Variants in DCC observed in about 807,000 individuals in gnomAD.
The protein encoded by DCC is netrin receptor DCC.
In DCC, 58 loss-of-function variants were observed where a neutral mutation model predicts 172.5. The ratio of observed to expected loss-of-function variants is 0.34; its 90% CI spans 0.27 to 0.42. DCC has a LOEUF of 0.42. Among genes scored for constraint, DCC ranks in the 10% least tolerant of loss-of-function variants. The pLI is 1.00. For missense variants in DCC, 1,740 were observed against 1,791.0 expected, an observed-to-expected ratio of 0.97 and a Z score of 0.51; for synonymous variants, 709 against 644.5, an observed-to-expected ratio of 1.10 and a Z score of -1.52.
intron 28 of DCC, 98 bp from the exon 29 acceptor site, chr18:53,530,466 T>C (rs1431600349): frequency 1.3e-6 from 1 of 785,634 alleles, no homozygotes; most frequent in Non-Finnish European, 2.3e-6. Context: ...AGGTCAGACT[T>C]GGGAATACGT....
At chr18:52,690,749 T>C (rs1272133832) in intron 1 of DCC, among the ~76,000 whole-genome samples, 1 of 152,066 alleles carries the variant, frequency 6.6e-6, no homozygotes, top group Admixed American at 6.6e-5. Context: ...ATGTATAAAA[T>C]GAAATGACCT....
chr18:52,392,085 C>A (rs1004029630), intron 1 of DCC, among the ~76,000 whole-genome samples: 1 of 152,154 alleles, frequency 6.6e-6, no homozygotes. Flanking sequence ...GTAGAGCACA[C>A]ATGCTCATTC....
chr18:53,123,756 A>G (rs1320483113), intron 7 of DCC, among the ~76,000 whole-genome samples: 5 of 151,870 alleles, frequency 3.3e-5, no homozygotes, highest in Non-Finnish European at 5.9e-5. Flanking sequence ...TTTCATGTCT[A>G]TTCACAGTCT....
At chr18:52,956,337 C>T (rs1164918015) in intron 5 of DCC, among the ~76,000 whole-genome samples, 1 of 151,772 alleles carries the variant, frequency 6.6e-6, no homozygotes, top group Non-Finnish European at 1.5e-5. Context: ...CATTTTATTG[C>T]CTTTGCTAAT....
chr18:53,348,145 G>A (rs750699423), intron 15 of DCC, among the ~76,000 whole-genome samples: 4 of 152,046 alleles, frequency 2.6e-5, no homozygotes, highest in African/African-American at 4.8e-5. Flanking sequence ...AGTCCCTTTC[G>A]CCTATGATCC....
At chr18:52,818,674 G>T (rs766503043) in intron 2 of DCC, among the ~76,000 whole-genome samples, 5 of 152,122 alleles carry the variant, frequency 3.3e-5, no homozygotes, top group Non-Finnish European at 7.4e-5. Context: ...TTTTATTTAG[G>T]TAGCATCTGA....
At chr18:52,708,398 C>T (rs970910156) in intron 1 of DCC, among the ~76,000 whole-genome samples, 17 of 149,768 alleles carry the variant, frequency 1.1e-4, no homozygotes, top group Admixed American at 3.3e-4. Context: ...GCCCAGATTG[C>T]ACCACTGCAC....
intron 7 of DCC, among the ~76,000 whole-genome samples, chr18:53,147,311 T>TTC (rs750524407): frequency 9.9e-5 from 15 of 152,018 alleles, no homozygotes; most frequent in Admixed American, 3.3e-4. Flanking sequence ...GCCTTTTTCT[T>TTC]TCTCTCTCTC....
intron 2 of DCC, among the ~76,000 whole-genome samples, chr18:52,833,805 C>T (rs568173719): frequency 4.6e-5 from 7 of 152,092 alleles, no homozygotes; most frequent in African/African-American, 7.2e-5. Flanking sequence ...GGACTACAGG[C>T]GCGTGGCACC....
chr18:53,415,242 A>C (rs1910240067), intron 20 of DCC, among the ~76,000 whole-genome samples: 1 of 152,214 alleles, frequency 6.6e-6, no homozygotes, highest in African/African-American at 2.4e-5. Context: ...TGTGAATTTT[A>C]CTGAGACATA....
At chr18:52,431,581 T>A (rs192602239) in intron 1 of DCC, among the ~76,000 whole-genome samples, 13 of 152,248 alleles carry the variant, frequency 8.5e-5, no homozygotes, top group Admixed American at 7.2e-4. Context: ...TAAAGGTAAA[T>A]AATATGTTGT....
chr18:52,624,905 A>G (rs985115524), intron 1 of DCC, among the ~76,000 whole-genome samples: 9 of 152,280 alleles, frequency 5.9e-5, no homozygotes, highest in South Asian at 2.1e-4. Context: ...AGAGTTGCCT[A>G]TGAATGGGGA....
intron 2 of DCC, among the ~76,000 whole-genome samples, chr18:52,798,702 G>T (rs1426214627): frequency 1.3e-5 from 2 of 152,110 alleles, no homozygotes; most frequent in African/African-American, 4.8e-5. Context: ...GGAGAATGCA[G>T]TGAGGTGGAA....
At chr18:52,505,905 C>T (rs1296821777) in intron 1 of DCC, among the ~76,000 whole-genome samples, 1 of 151,974 alleles carries the variant, frequency 6.6e-6, no homozygotes, top group African/African-American at 2.4e-5. Flanking sequence ...TAGTGCATAT[C>T]AGTTGTGCTA....
Position 53,493,331 on chromosome 18 carries a change from G to A in DCC, c.3899-5967G>A, listed in dbSNP as rs187200656. On this transcript the variant is annotated intron_variant, in intron 26 of 28. Coordinates refer to ENST00000442544, the MANE Select transcript of DCC (RefSeq NM_005215.4). ...TACTCTTTATTTCTTCCTCCTGCCTGATTGCCCTGGCCAGAACTTCCAACA... is the reference window on the plus strand; with the variant it reads ...TACTCTTTATTTCTTCCTCCTGCCTAATTGCCCTGGCCAGAACTTCCAACA... Among the ~76,000 whole-genome samples, 689 of 152,260 alleles carry A rather than the reference G, an allele frequency of 4.5e-3. 11 individuals are homozygous for A. Among genetic ancestry groups the A allele is most frequent in the Middle Eastern group, 0.014 (4 of 294 alleles).
chr18:53,404,160 TATA>T (rs1390418511), intron 19 of DCC, among the ~76,000 whole-genome samples: 33 of 152,172 alleles, frequency 2.2e-4, no homozygotes, highest in Non-Finnish European at 3.4e-4. Flanking sequence ...TTTATTTTGT[TATA>T]ATCAATTATT....
chr18:52,384,042 A>T (rs979649274), intron 1 of DCC, among the ~76,000 whole-genome samples: 1 of 152,140 alleles, frequency 6.6e-6, no homozygotes, highest in Non-Finnish European at 1.5e-5. Flanking sequence ...TTTTTAATAT[A>T]TTAAAATAGC....
At chr18:52,896,117 C>A (rs2039725777) in intron 2 of DCC, among the ~76,000 whole-genome samples, 2 of 152,130 alleles carry the variant, frequency 1.3e-5, no homozygotes, top group African/African-American at 2.4e-5. Context: ...AATTTCAAAT[C>A]ACTTTACTGA....
At position 53,047,265 on chromosome 18, in the gene DCC, T is replaced by A. The variant is rs868261390; in HGVS notation, c.986-16040T>A. Among the ~76,000 whole-genome samples, 94 of 15,636 alleles carry A rather than the reference T, an allele frequency of 6.0e-3. 1 individual carries two copies. Among genetic ancestry groups the A allele is most frequent in the African/African-American group, 0.03 (48 of 1,608 alleles). 10.3% of individuals were successfully genotyped at this position (15,636 alleles called of 152,430 possible). The stretch of plus-strand genomic sequence containing the variant: ...ATATATATATATATATATATATATA[T>A]ATATATATATATATATATATATAAT... On this transcript the variant is annotated intron_variant, in intron 5 of 28. Transcript: ENST00000442544.
Sources: gnomAD v4.1 joint callset for allele counts (sites outside exome capture counted in the v4.1 genomes callset) on GRCh38, gnomAD v4.1.1 for gene constraint, MANE v1.5 for transcripts, NCBI Gene and HGNC (gene_info 2026-07-23, HGNC 2026-07-21) for gene names.